Variants in RBFOX1 observed in about 807,000 individuals in gnomAD.
The protein encoded by RBFOX1 is RNA binding protein fox-1 homolog 1.
Under a neutral mutation model 57.7 loss-of-function variants are expected in RBFOX1, and 8 were observed. The observed-to-expected ratio is 0.14, with a 90% CI of 0.08 to 0.25. The LOEUF is 0.25. Ranked by LOEUF, RBFOX1 falls within the 10% of genes least tolerant of loss-of-function variation. RBFOX1 has a pLI of 1.00. For missense variants in RBFOX1, 611 were observed against 548.5 expected (o/e 1.11, Z -1.14); for synonymous variants, 326 against 222.4 (o/e 1.47, Z -4.15).
At chr16:7,218,019 T>C (rs1205866322) in intron 4 of RBFOX1, among the ~76,000 whole-genome samples, 2 of 151,098 alleles carry the variant, frequency 1.3e-5, no homozygotes, top group African/African-American at 4.9e-5. Flanking sequence ...TTTGTACGTG[T>C]GTGGGGTGTG....
chr16:6,725,184 G>A (rs1269986524), intron 3 of RBFOX1, among the ~76,000 whole-genome samples: 2 of 151,418 alleles, frequency 1.3e-5, no homozygotes, highest in African/African-American at 4.9e-5. Flanking sequence ...CCGAGTAACT[G>A]GGACTGCAGG....
At chr16:6,116,855 G>T (rs1460674116) in intron 1 of RBFOX1, among the ~76,000 whole-genome samples, 1 of 152,022 alleles carries the variant, frequency 6.6e-6, no homozygotes, top group African/African-American at 2.4e-5. Context: ...GGAGAGAGAG[G>T]CTGGTGGCTG....
chr16:6,777,626 T>C (rs947683750), intron 3 of RBFOX1, among the ~76,000 whole-genome samples: 9 of 152,124 alleles, frequency 5.9e-5, no homozygotes, highest in African/African-American at 2.2e-4. Flanking sequence ...TCACACGTTA[T>C]TCAGTGTTTT....
chr16:5,814,875 G>C (rs2055568913), intron 3 of RBFOX1, among the ~76,000 whole-genome samples: 2 of 152,136 alleles, frequency 1.3e-5, no homozygotes, highest in South Asian at 4.1e-4. Flanking sequence ...CTTGCAGTGA[G>C]CCGAGATTGC....
intron 3 of RBFOX1, among the ~76,000 whole-genome samples, chr16:5,758,044 G>C (rs1050416634): frequency 6.6e-6 from 1 of 152,106 alleles, no homozygotes; most frequent in South Asian, 2.1e-4. Context: ...AGCAACCTGG[G>C]GTTGGAAGCC....
intron 1 of RBFOX1, among the ~76,000 whole-genome samples, chr16:6,222,605 G>T (rs897389847): frequency 9.4e-5 from 11 of 117,230 alleles, no homozygotes; most frequent in South Asian, 7.6e-4. Flanking sequence ...TTAAGCCCTG[G>T]ATTGCTGGGC....
chr16:5,531,592 G>A (rs1236663185), intron 2 of RBFOX1, among the ~76,000 whole-genome samples: 1 of 152,160 alleles, frequency 6.6e-6, no homozygotes, highest in Non-Finnish European at 1.5e-5. Context: ...CTTAACATCT[G>A]CAAGTCTCAG....
intron 4 of RBFOX1, among the ~76,000 whole-genome samples, chr16:7,193,489 G>C (rs143063321): frequency 6.3e-4 from 96 of 152,350 alleles, no homozygotes; most frequent in African/African-American, 2.3e-3. Context: ...TACAGCAGCA[G>C]TATCAAGCTA....
Position 7,555,082 on chromosome 16 carries a change from G to A in RBFOX1, c.271-24695G>A, listed in dbSNP as rs187517362. Among the ~76,000 whole-genome samples the A allele has an allele frequency of 4.7e-4, 71 of 152,238 alleles. 1 individual carries two copies. In the East Asian group the frequency reaches 0.012, roughly 26 times the overall value. ...CGGATAAAGGGTATTTGCTATTGTT[G>A]TGAGTAGGGTAAGGGGGGGTTTTTA... On this transcript the variant is annotated intron_variant, in intron 5 of 15. Transcript: ENST00000550418.
chr16:5,829,572 TCCTCCAACATCCC>T (rs2056192381), intron 3 of RBFOX1, among the ~76,000 whole-genome samples: 1 of 152,058 alleles, frequency 6.6e-6, no homozygotes, highest in Non-Finnish European at 1.5e-5. Flanking sequence ...CTCTTCTACC[TCCTCCAACATCCC>T]CCTCCATCCC....
intron 10 of RBFOX1, among the ~76,000 whole-genome samples, chr16:7,617,922 A>T (rs1253024732): frequency 2.6e-5 from 4 of 152,052 alleles, no homozygotes; most frequent in African/African-American, 9.7e-5. Flanking sequence ...GTGGGTAAAG[A>T]TCATTGCAGG....
intron 3 of RBFOX1, among the ~76,000 whole-genome samples, chr16:6,780,126 TA>T (rs1260063068): frequency 0.019 from 689 of 36,338 alleles, 208 homozygotes; most frequent in African/African-American, 0.069. Context: ...TATTTATATA[TA>T]TATTTATATA....
At chr16:6,254,000 C>A (rs931719514) in intron 1 of RBFOX1, among the ~76,000 whole-genome samples, 2 of 152,102 alleles carry the variant, frequency 1.3e-5, no homozygotes, top group African/African-American at 4.8e-5. Flanking sequence ...AACAAAGGTT[C>A]CATGACAAAC....
At chr16:7,071,916 CACT>C (rs2057415274) in intron 4 of RBFOX1, among the ~76,000 whole-genome samples, 1 of 152,218 alleles carries the variant, frequency 6.6e-6, no homozygotes, top group African/African-American at 2.4e-5. Flanking sequence ...TGTTGCTCTT[CACT>C]ACTACATCTT....
chr16:5,806,197 T>A (rs2055221288), intron 3 of RBFOX1, among the ~76,000 whole-genome samples: 1 of 152,202 alleles, frequency 6.6e-6, no homozygotes, highest in African/African-American at 2.4e-5. Flanking sequence ...AGGGAGGTTT[T>A]CTCTATCCAT....
downstream of RBFOX1, among the ~76,000 whole-genome samples, chr16:5,601,835 G>T (rs998180891): frequency 7.9e-5 from 12 of 152,202 alleles, no homozygotes; most frequent in African/African-American, 2.2e-4. Flanking sequence ...GTCTGAGATG[G>T]CTCCATTTCC....
At chr16:5,975,807 C>G (rs750415708) in intron 4 of RBFOX1, among the ~76,000 whole-genome samples, 2 of 152,164 alleles carry the variant, frequency 1.3e-5, no homozygotes, top group African/African-American at 2.4e-5. Flanking sequence ...TATTGAATGG[C>G]TAGCGCTCGA....
chr16:6,040,154 T>G (rs1157814991), intron 1 of RBFOX1, among the ~76,000 whole-genome samples: 1 of 152,268 alleles, frequency 6.6e-6, no homozygotes, highest in Non-Finnish European at 1.5e-5. Context: ...TACATATTAA[T>G]TCACTCTGTT....
chr16:6,786,799 A>G (rs1013872326), intron 3 of RBFOX1, among the ~76,000 whole-genome samples: 2 of 152,198 alleles, frequency 1.3e-5, no homozygotes, highest in Non-Finnish European at 1.5e-5. Context: ...ATGAGGTCAC[A>G]TCGAGGGTCA....
Sources: gnomAD v4.1 joint callset for allele counts (sites outside exome capture counted in the v4.1 genomes callset) on GRCh38, gnomAD v4.1.1 for gene constraint, MANE v1.5 for transcripts, NCBI Gene and HGNC (gene_info 2026-07-23, HGNC 2026-07-21) for gene names.